MACC1: variants seen among roughly 807,000 people sequenced by gnomAD.
MACC1 encodes MET transcriptional regulator MACC1, also known as metastasis-associated in colon cancer protein 1.
Under a neutral mutation model 70.7 loss-of-function variants are expected in MACC1, and 79 were observed. The observed-to-expected ratio is 1.12, with a 90% confidence interval of 0.93 to 1.35. The LOEUF (loss-of-function observed/expected upper bound fraction) is 1.35. Ranked by LOEUF, MACC1 falls within the 40% of genes most tolerant of loss-of-function variation. The probability of loss-of-function intolerance (pLI) is 0.00; values close to 1 mark genes in which losing one functional copy is unlikely to be tolerated. For missense variants in MACC1, 1,106 were observed against 978.1 expected, an observed-to-expected ratio of 1.13 and a Z score of -1.74; for synonymous variants, 361 against 347.2, an observed-to-expected ratio of 1.04 and a Z score of -0.44.
intron 1 of MACC1, among the ~76,000 whole-genome samples, chr7:20,203,840 G>A (rs574916159): frequency 6.6e-6 from 1 of 152,098 alleles, no homozygotes; most frequent in African/African-American, 2.4e-5. Flanking sequence ...TTGTTTCTAT[G>A]CAAAAATGAT....
intron 1 of MACC1, among the ~76,000 whole-genome samples, chr7:20,173,874 C>A (rs1458728478): frequency 6.6e-6 from 1 of 152,156 alleles, no homozygotes; most frequent in Non-Finnish European, 1.5e-5. Context: ...TAAAGGAACT[C>A]TCCTGTCTTT....
chr7:20,190,901 A>G (rs1236354932), intron 1 of MACC1, among the ~76,000 whole-genome samples: 1 of 152,246 alleles, frequency 6.6e-6, no homozygotes, highest in Non-Finnish European at 1.5e-5. Flanking sequence ...TCTTTGTGAA[A>G]CACAATTGTT....
chr7:20,193,338 A>G (rs765335702), intron 1 of MACC1, among the ~76,000 whole-genome samples: 2 of 152,226 alleles, frequency 1.3e-5, no homozygotes, highest in Non-Finnish European at 2.9e-5. Context: ...AACATGAGAA[A>G]TTGTTTATAA....
intron 1 of MACC1, among the ~76,000 whole-genome samples, chr7:20,172,696 A>G (rs1782326804): frequency 1.3e-5 from 2 of 152,224 alleles, no homozygotes; most frequent in South Asian, 2.1e-4. Context: ...AATTCTTTCA[A>G]TTGACCTAAA....
At chr7:20,188,130 G>C (rs6956971) in intron 1 of MACC1, among the ~76,000 whole-genome samples, 2,449 of 152,178 alleles carry the variant, frequency 0.016, 74 homozygotes, top group African/African-American at 0.056. Flanking sequence ...ATCTCAAGAA[G>C]AGCACAGGAA....
At position 20,167,302 on chromosome 7, in the gene MACC1, T is replaced by A. The variant is rs540820890; in HGVS notation, c.-152-2903A>T. ...CCTCCACCTCCCGGGTTCAAGCAAT[T>A]CTCCTACCTCAGCCTCCTGAGTAGC... is the stretch of plus-strand genomic sequence containing the variant. On this transcript the variant is annotated intron_variant, in intron 2 of 6. Transcript: ENST00000400331. Among the ~76,000 whole-genome samples the A allele has an allele frequency of 9.2e-5, 14 of 152,048 alleles. No individual in the cohort carries two copies. The South Asian group carries it at 2.9e-3, about 32-fold the overall frequency.
intron 1 of MACC1, among the ~76,000 whole-genome samples, chr7:20,177,869 G>GCCCCA (rs1782420877): frequency 1.3e-5 from 2 of 151,590 alleles, no homozygotes; most frequent in Non-Finnish European, 1.5e-5. Flanking sequence ...CAAATTGTTG[G>GCCCCA]ACTTTTTTAA....
intron 1 of MACC1, among the ~76,000 whole-genome samples, chr7:20,172,665 T>C (rs1006196847): frequency 1.2e-4 from 18 of 152,212 alleles, no homozygotes; most frequent in Admixed American, 1.0e-3. Flanking sequence ...ATAGGCAGAA[T>C]TGTCCATCAC....
intron 1 of MACC1, among the ~76,000 whole-genome samples, chr7:20,172,396 A>T (rs888934271): frequency 6.6e-6 from 1 of 152,230 alleles, no homozygotes; most frequent in Non-Finnish European, 1.5e-5. Context: ...TAAAATATTC[A>T]ATGTAAATCT....
intron 1 of MACC1, among the ~76,000 whole-genome samples, chr7:20,210,925 G>A (rs552797336): frequency 6.6e-6 from 1 of 152,274 alleles, no homozygotes; most frequent in African/African-American, 2.4e-5. Flanking sequence ...GCTTAGTAAA[G>A]TTTAGTCACC....
intron 1 of MACC1, among the ~76,000 whole-genome samples, chr7:20,200,057 A>G (rs975217879): frequency 1.3e-5 from 2 of 149,684 alleles, no homozygotes; most frequent in Non-Finnish European, 3.0e-5. Context: ...ATATGTATGT[A>G]TATATACATA....
intron 1 of MACC1, among the ~76,000 whole-genome samples, chr7:20,201,987 GT>G (rs1454734455): frequency 3.3e-5 from 5 of 152,034 alleles, no homozygotes; most frequent in African/African-American, 4.8e-5. Context: ...CAGTAAAACT[GT>G]TTTTCCCACA....
chr7:20,190,473 T>A (rs1477093865), intron 1 of MACC1, among the ~76,000 whole-genome samples: 2 of 152,212 alleles, frequency 1.3e-5, no homozygotes, highest in African/African-American at 4.8e-5. Flanking sequence ...TCAATATAAA[T>A]TTAGTGGAAC....
At position 20,141,177 on chromosome 7, in the gene MACC1, G is replaced by C; in HGVS notation, c.2347-19C>G. The C allele has an allele frequency of 6.6e-7, 1 of 1,511,372 alleles. No homozygotes were observed. Among genetic ancestry groups the C allele is most frequent in the South Asian group, 1.2e-5 (1 of 81,162 alleles). The allele number at this position is 1,511,372 out of a possible 1,614,324, so 93.6% of individuals were successfully genotyped here. ...ACATCATCTATAAAGAAAAAAAATAGATTGGAGTAGTGTGGAAGTAGAAAG... is the reference window on the plus strand; with the variant it reads ...ACATCATCTATAAAGAAAAAAAATACATTGGAGTAGTGTGGAAGTAGAAAG... On this transcript the variant is annotated intron_variant, in intron 6 of 6. Transcript: ENST00000400331.
At chr7:20,163,734 T>C (rs1204107839) in intron 3 of MACC1, among the ~76,000 whole-genome samples, 3 of 152,186 alleles carry the variant, frequency 2.0e-5, no homozygotes, top group African/African-American at 7.2e-5. Context: ...TTTCAGAGTC[T>C]CAGCAATAGA....
At chr7:20,181,271 T>C (rs990009906) in intron 1 of MACC1, among the ~76,000 whole-genome samples, 3 of 152,072 alleles carry the variant, frequency 2.0e-5, no homozygotes, top group Admixed American at 1.3e-4. Context: ...ATTATATAAA[T>C]AATATGTATT....
Position 20,134,904 on chromosome 7 carries a change from G to C in MACC1, c.*6042C>G, listed in dbSNP as rs942902296. 6.6e-6 allele frequency: 1 copy of C among 152,162 alleles called. No homozygotes were observed. The highest frequency in any genetic ancestry group is 1.5e-5 in the Non-Finnish European group (1 of 68,034). The allele number at this position is 152,162 out of a possible 1,614,324, so 9.4% of individuals were successfully genotyped here. ...TAAAACGTGATACGTCAATCTCAAA[G>C]TGAGATGGTTCAGCTTGCCACCTCT... On this transcript the variant is annotated 3_prime_UTR_variant, in exon 7 of 7. Transcript: ENST00000400331.
Position 20,159,911 on chromosome 7 carries a change from T to C in MACC1, c.450A>G (p.Thr150=). The change falls in exon 5 of 7, where the codon ACA becomes ACG. Residue 150 remains threonine, a synonymous_variant. Transcript: ENST00000400331. The part of the protein sequence containing the change: ...VSELLDILDD[T]AHAHQSIHNS... ...TATGTATACTCTGATGGGCATGTGCTGTGTCGTCTAAAATGTCCAGAAGTT... is the reference window on the plus strand; with the variant it reads ...TATGTATACTCTGATGGGCATGTGCCGTGTCGTCTAAAATGTCCAGAAGTT... 6.2e-7 allele frequency: 1 copy of C among 1,614,156 alleles called. No individual in the cohort carries two copies. The highest frequency in any genetic ancestry group is 8.5e-7 in the Non-Finnish European group (1 of 1,180,026).
chr7:20,153,302 C>G (rs541869629), intron 6 of MACC1: 9 of 152,128 alleles, frequency 5.9e-5, no homozygotes, highest in Non-Finnish European at 1.0e-4. Flanking sequence ...ATGGTTGCAT[C>G]GAAGCAAGAA....
Sources: gnomAD v4.1 joint callset for allele counts (sites outside exome capture counted in the v4.1 genomes callset) on GRCh38, gnomAD v4.1.1 for gene constraint, MANE v1.5 for transcripts, NCBI Gene and HGNC (gene_info 2026-07-23, HGNC 2026-07-21) for gene names.